The following TSPAN12 variants were observed in gnomAD, a reference collection of about 807,000 sequenced individuals.
The protein encoded by TSPAN12 is tetraspanin 12.
Under a neutral mutation model 39.2 loss-of-function variants are expected in TSPAN12, and 19 were observed. That is an observed-to-expected ratio of 0.49 (90% confidence interval 0.34 to 0.71). TSPAN12 has a LOEUF of 0.71. Among genes scored for constraint, TSPAN12 ranks in the 30% least tolerant of loss-of-function variants. TSPAN12 has a pLI of 0.01. For missense variants in TSPAN12, 314 were observed against 359.9 expected (o/e 0.87, Z 1.03); for synonymous variants, 119 against 124.8 (o/e 0.95, Z 0.31).
At chr7:120,824,374 G>A (rs568187069) in intron 4 of TSPAN12, among the ~76,000 whole-genome samples, 1 of 152,008 alleles carries the variant, frequency 6.6e-6, no homozygotes, top group East Asian at 1.9e-4. Context: ...CCTGGGAGGC[G>A]GAGGTTGCAG....
intron 4 of TSPAN12, among the ~76,000 whole-genome samples, chr7:120,827,447 T>G (rs1317707680): frequency 2.0e-5 from 3 of 152,212 alleles, no homozygotes; most frequent in Admixed American, 2.0e-4. Flanking sequence ...ACATAATTAT[T>G]TGTGAATGTT....
chr7:120,836,834 G>A (rs542983004), intron 4 of TSPAN12, among the ~76,000 whole-genome samples: 2 of 152,284 alleles, frequency 1.3e-5, no homozygotes, highest in South Asian at 4.1e-4. Context: ...TTACTTTGTT[G>A]TTTGTCAATT....
intron 3 of TSPAN12, 52 bp downstream of exon 3, chr7:120,839,973 CAA>C: frequency 6.8e-7 from 1 of 1,469,704 alleles, no homozygotes; most frequent in South Asian, 1.1e-5. Context: ...TAGCTGAGGG[CAA>C]AGTTACTTAA....
intron 2 of TSPAN12, among the ~76,000 whole-genome samples, chr7:120,843,337 G>GC (rs995969248): frequency 1.3e-5 from 2 of 152,170 alleles, no homozygotes; most frequent in Non-Finnish European, 2.9e-5. Context: ...GAGTCACCTT[G>GC]CCTTGGCCTG....
intron 2 of TSPAN12, among the ~76,000 whole-genome samples, chr7:120,848,163 C>A (rs748615983): frequency 1.3e-5 from 2 of 152,200 alleles, no homozygotes; most frequent in African/African-American, 2.4e-5. Flanking sequence ...TTCCTTCAAG[C>A]CCAGCTTGAA....
At position 120,856,613 on chromosome 7, in the gene TSPAN12, G is replaced by C. The variant is rs894819356; in HGVS notation, c.66+85C>G. On this transcript the variant is annotated intron_variant, in intron 2 of 7. Coordinates refer to ENST00000222747, the MANE Select transcript of TSPAN12 (RefSeq NM_012338.4). ...ATCCCATGTAATTAATTAATGCTTA[G>C]CCATGCCCTTTGGCGCATTATCCGG... 2.2e-6 allele frequency: 3 copies of C among 1,338,226 alleles called. No homozygotes were observed. The African/African-American group carries it at 4.3e-5, about 19-fold the overall frequency. 82.9% of individuals were successfully genotyped at this position (1,338,226 alleles called of 1,614,324 possible). A position where few individuals can be genotyped will look rare whatever the true frequency, so the allele number is the denominator to read the frequency against.
Position 120,856,853 on chromosome 7 carries a change from G to A in TSPAN12, c.-70-20C>T. 2.2e-6 allele frequency: 3 copies of A among 1,355,498 alleles called. No individual in the cohort carries two copies. Among genetic ancestry groups the A allele is most frequent in the Non-Finnish European group, 3.2e-6 (3 of 950,382 alleles). The allele number at this position is 1,355,498 out of a possible 1,614,324, so 84.0% of individuals were successfully genotyped here. A position where few individuals can be genotyped will look rare whatever the true frequency, so the allele number is the denominator to read the frequency against. On this transcript the variant is annotated intron_variant, in intron 1 of 7. Coordinates refer to ENST00000222747, the MANE Select transcript of TSPAN12 (RefSeq NM_012338.4). ...AGCGATCTGCAGGGGGCGGGGGAGA[G>A]AGAACACGGGACATCTCACCATCAC...
At chr7:120,812,490 G>A (rs1224884122) in intron 5 of TSPAN12, among the ~76,000 whole-genome samples, 1 of 152,160 alleles carries the variant, frequency 6.6e-6, no homozygotes, top group Non-Finnish European at 1.5e-5. Context: ...CAGAACTAGA[G>A]ATTAGGATTA....
intron 5 of TSPAN12, among the ~76,000 whole-genome samples, chr7:120,812,865 T>A (rs765463368): frequency 2.6e-5 from 4 of 152,114 alleles, no homozygotes; most frequent in Non-Finnish European, 5.9e-5. Flanking sequence ...GAAGGAATAA[T>A]GAATAGAAGA....
chr7:120,823,580 A>T (rs1271820767), intron 4 of TSPAN12, among the ~76,000 whole-genome samples: 1 of 152,124 alleles, frequency 6.6e-6, no homozygotes, highest in Non-Finnish European at 1.5e-5. Context: ...GTGAGATAGG[A>T]AGTATGGTGG....
chr7:120,810,407 G>T, intron 6 of TSPAN12, 56 bp downstream of exon 6: 1 of 1,102,348 alleles, frequency 9.1e-7, no homozygotes, highest in Non-Finnish European at 1.4e-6. Flanking sequence ...TAAACATCTG[G>T]TTTGAAGGTG....
At chr7:120,817,908 A>G (rs1209605650) in intron 4 of TSPAN12, among the ~76,000 whole-genome samples, 2 of 152,138 alleles carry the variant, frequency 1.3e-5, no homozygotes, top group African/African-American at 4.8e-5. Flanking sequence ...TCATCACATA[A>G]TAGGTGTTCA....
At chr7:120,815,255 A>G (rs1287755405) in intron 5 of TSPAN12, among the ~76,000 whole-genome samples, 2 of 152,188 alleles carry the variant, frequency 1.3e-5, no homozygotes, top group African/African-American at 4.8e-5. Context: ...ATCATGTAGC[A>G]TAAACATTCA....
At chr7:120,848,225 C>A (rs1252921536) in intron 2 of TSPAN12, among the ~76,000 whole-genome samples, 1 of 152,186 alleles carries the variant, frequency 6.6e-6, no homozygotes, top group African/African-American at 2.4e-5. Context: ...ACCTACAGAT[C>A]TTTTCCCTCT....
chr7:120,818,543 G>A (rs1337955083), intron 4 of TSPAN12, among the ~76,000 whole-genome samples: 1 of 151,392 alleles, frequency 6.6e-6, no homozygotes, highest in Non-Finnish European at 1.5e-5. Flanking sequence ...TAGAAAATGG[G>A]GCTGATTTTT....
At chr7:120,812,202 T>TAATAC (rs1232327886) in intron 5 of TSPAN12, among the ~76,000 whole-genome samples, 1 of 152,228 alleles carries the variant, frequency 6.6e-6, no homozygotes, top group South Asian at 2.1e-4. Flanking sequence ...GTCATTGTTG[T>TAATAC]AATACAATAC....
intron 2 of TSPAN12, among the ~76,000 whole-genome samples, chr7:120,855,772 T>C (rs1398041620): frequency 6.6e-6 from 1 of 151,990 alleles, no homozygotes; most frequent in East Asian, 1.9e-4. Context: ...AATAGCCCTA[T>C]GAAAAAAAGG....
At chr7:120,842,267 T>C (rs1270964428) in intron 2 of TSPAN12, among the ~76,000 whole-genome samples, 1 of 151,928 alleles carries the variant, frequency 6.6e-6, no homozygotes, top group Non-Finnish European at 1.5e-5. Flanking sequence ...GCTTGGAAAA[T>C]CAGCTAGTGA....
At chr7:120,823,652 G>A (rs1479222248) in intron 4 of TSPAN12, among the ~76,000 whole-genome samples, 2 of 152,122 alleles carry the variant, frequency 1.3e-5, no homozygotes, top group East Asian at 3.9e-4. Context: ...CCAATGGATA[G>A]TGCCCAAAAC....
Sources: gnomAD v4.1 joint callset for allele counts (sites outside exome capture counted in the v4.1 genomes callset) on GRCh38, gnomAD v4.1.1 for gene constraint, MANE v1.5 for transcripts, NCBI Gene and HGNC (gene_info 2026-07-23, HGNC 2026-07-21) for gene names.